RPL26L1: variants seen among roughly 807,000 people sequenced by gnomAD.
RPL26L1 encodes ribosomal protein L26 like 1, also known as ribosomal protein uL24-like.
A neutral mutation model predicts 15.2 loss-of-function variants in RPL26L1; 8 were observed. That is an observed-to-expected ratio of 0.53 (90% CI 0.31 to 0.95). RPL26L1 has a LOEUF of 0.95. Among genes scored for constraint, RPL26L1 ranks in the 40% least tolerant of loss-of-function variants. The pLI is 0.05. For synonymous variants in RPL26L1, 51 were observed against 65.9 expected (o/e 0.77, Z 1.09); for missense variants, 146 against 190.9 (o/e 0.76, Z 1.39).
At chr5:172,958,380 G>A (rs1205245327), upstream of RPL26L1, 2 of 456,226 alleles carry the variant, frequency 4.4e-6, no homozygotes, top group Non-Finnish European at 4.4e-6. Flanking sequence ...GCCTGGGTGT[G>A]GCTGCTGTAC....
chr5:172,968,697 C>A, intron 3 of RPL26L1, 98 bp downstream of exon 3: 1 of 1,397,252 alleles, frequency 7.2e-7, no homozygotes, highest in Non-Finnish European at 9.9e-7. Flanking sequence ...TTGGCTGAGG[C>A]AGGCCAGGTG....
At position 172,969,651 on chromosome 5, in the gene RPL26L1, G is replaced by A. The variant is rs11550784; in HGVS notation, c.*110G>A. On this transcript the variant is annotated 3_prime_UTR_variant, in exon 4 of 4. Transcript: ENST00000265100. ...CATTTCATTTCCTGTTTTGTTACCT[G>A]TGCCTCTGTAAATCTACTTTTGCAA... The A allele has an allele frequency of 0.061, 69,135 of 1,139,894 alleles. 2,327 individuals carry two copies. Among genetic ancestry groups the A allele is most frequent in the South Asian group, 0.11 (6,095 of 54,258 alleles). 70.6% of individuals were successfully genotyped at this position (1,139,894 alleles called of 1,614,324 possible).
At chr5:172,966,513 C>T (rs528897941) in intron 2 of RPL26L1, among the ~76,000 whole-genome samples, 1 of 151,998 alleles carries the variant, frequency 6.6e-6, no homozygotes, top group Admixed American at 6.6e-5. Flanking sequence ...CATGTAATCC[C>T]AGCACTTTGG....
At chr5:172,956,938 GA>G (rs552172463), upstream of RPL26L1, 20,799 of 219,102 alleles carry the variant, frequency 0.095, 5 homozygotes, top group South Asian at 0.2. Flanking sequence ...ACTCTATCTC[GA>G]AAAAAAAAAA....
At chr5:172,956,974 G>GT (rs1226949748), upstream of RPL26L1, 1 of 321,414 alleles carries the variant, frequency 3.1e-6, no homozygotes, top group Non-Finnish European at 6.2e-6. Context: ...AACCAATGAG[G>GT]TAAGTACTAT....
At chr5:172,967,886 A>G (rs1581613747) in intron 2 of RPL26L1, among the ~76,000 whole-genome samples, 2 of 151,618 alleles carry the variant, frequency 1.3e-5, no homozygotes, top group African/African-American at 4.8e-5. Flanking sequence ...TGATACGTGT[A>G]TGTATATATG....
chr5:172,956,882 G>A (rs1754992139), upstream of RPL26L1: 2 of 201,818 alleles, frequency 9.9e-6, no homozygotes, highest in South Asian at 6.7e-5. Context: ...AGGTTGCAGT[G>A]AGCCAAAACT....
intron 3 of RPL26L1, 72 bp from the exon 4 acceptor site, chr5:172,969,341 C>A: frequency 6.6e-7 from 1 of 1,505,162 alleles, no homozygotes; most frequent in Non-Finnish European, 9.1e-7. Flanking sequence ...TCTTACTTAA[C>A]TTATGATGTC....
At chr5:172,967,696 A>G (rs1201313789) in intron 2 of RPL26L1, among the ~76,000 whole-genome samples, 1 of 151,976 alleles carries the variant, frequency 6.6e-6, no homozygotes, top group African/African-American at 2.4e-5. Context: ...GCTGTTACCA[A>G]TATTTATATA....
chr5:172,962,176 C>T (rs10076581), intron 2 of RPL26L1, among the ~76,000 whole-genome samples: 103 of 152,314 alleles, frequency 6.8e-4, no homozygotes, highest in African/African-American at 2.3e-3. Context: ...GTCCATTTTC[C>T]ACAGAGTGGT....
intron 1 of RPL26L1, 156 bp downstream of exon 1, chr5:172,959,624 C>A: frequency 7.9e-7 from 1 of 1,264,782 alleles, no homozygotes; most frequent in African/African-American, 1.5e-5. Flanking sequence ...TCCTCAGCCT[C>A]AAGGTCCCAG....
intron 2 of RPL26L1, among the ~76,000 whole-genome samples, chr5:172,967,904 AATAC>A (rs924696748): frequency 1.3e-5 from 2 of 151,648 alleles, no homozygotes; most frequent in Non-Finnish European, 2.9e-5. Flanking sequence ...ATGACATATA[AATAC>A]ATATACGCAC....
rs556079866 is a variant in RPL26L1 at position 172,960,210 on chromosome 5, T to C, written c.168+169T>C. ...GCCACCAGAGAGTGCCTGCGTTGCT[T>C]TAGAGCATTTAATTATTTAATAGTA... On this transcript the variant is annotated intron_variant, in intron 2 of 3. Transcript: ENST00000265100. Among the ~76,000 whole-genome samples the C allele has an allele frequency of 7.6e-4, 116 of 152,304 alleles. 1 individual carries two copies. The highest frequency in any genetic ancestry group is 2.7e-3 in the African/African-American group (113 of 41,554).
rs935268864 is a variant in RPL26L1, at chr5:172,959,601, C to T, written c.-10+133C>T. On this transcript the variant is annotated intron_variant, in intron 1 of 3. Transcript: ENST00000265100. ...CTCCCGACCACCCATTCCTGCCTAA[C>T]CCTAGCATTCCTTCCTCAGCCTCAA... The T allele has an allele frequency of 4.8e-6, 6 of 1,242,096 alleles. No individual in the cohort carries two copies. The African/African-American group carries it at 6.2e-5, about 13-fold the overall frequency. 76.9% of individuals were successfully genotyped at this position (1,242,096 alleles called of 1,614,324 possible).
At chr5:172,963,263 A>G (rs140174770) in intron 2 of RPL26L1, among the ~76,000 whole-genome samples, 6,099 of 151,808 alleles carry the variant, frequency 0.04, 424 homozygotes, top group African/African-American at 0.14. Flanking sequence ...AATCCCAAGT[A>G]CTCGGGAGGC....
chr5:172,954,713 A>C, upstream of RPL26L1: 1 of 306,448 alleles, frequency 3.3e-6, no homozygotes, highest in South Asian at 2.8e-5. Context: ...ACACCGATAC[A>C]GGTTTCTCTG....
chr5:172,965,752 C>G (rs1174789243), intron 2 of RPL26L1, among the ~76,000 whole-genome samples: 1 of 152,144 alleles, frequency 6.6e-6, no homozygotes, highest in African/African-American at 2.4e-5. Context: ...ACATTCTGCC[C>G]TTTTCTCATA....
intron 2 of RPL26L1, among the ~76,000 whole-genome samples, chr5:172,966,758 C>T (rs552658272): frequency 6.6e-6 from 1 of 152,000 alleles, no homozygotes; most frequent in South Asian, 2.1e-4. Flanking sequence ...GAAAATAAGC[C>T]AAACAAGCTA....
chr5:172,956,460 A>T (rs1414881403), upstream of RPL26L1, among the ~76,000 whole-genome samples: 1 of 152,186 alleles, frequency 6.6e-6, no homozygotes, highest in Non-Finnish European at 1.5e-5. Flanking sequence ...TGTAAAAGGG[A>T]CAATTCATAC....
Sources: gnomAD v4.1 joint callset for allele counts (sites outside exome capture counted in the v4.1 genomes callset) on GRCh38, gnomAD v4.1.1 for gene constraint, MANE v1.5 for transcripts, NCBI Gene and HGNC (gene_info 2026-07-23, HGNC 2026-07-21) for gene names.